Variants in SEMA6D observed in about 807,000 individuals in gnomAD.
The protein encoded by SEMA6D is semaphorin-6D.
In SEMA6D, 35 loss-of-function variants were observed where a neutral mutation model predicts 106.6. That is an observed-to-expected ratio of 0.33 (90% CI 0.25 to 0.44). SEMA6D has a LOEUF of 0.44. Ranked by LOEUF, SEMA6D falls within the 20% of genes least tolerant of loss-of-function variation. The pLI is 1.00. For synonymous variants in SEMA6D, 499 were observed against 487.7 expected (o/e 1.02, Z -0.31); for missense variants, 1,185 against 1,345.9 (o/e 0.88, Z 1.87).
intron 1 of SEMA6D, among the ~76,000 whole-genome samples, chr15:47,217,046 C>A (rs185008489): frequency 6.6e-6 from 1 of 152,146 alleles, no homozygotes; most frequent in East Asian, 1.9e-4. Context: ...AATAAGGCAC[C>A]CTCTACAGTC....
intron 1 of SEMA6D, among the ~76,000 whole-genome samples, chr15:47,206,852 C>T (rs1595739773): frequency 6.6e-6 from 1 of 152,108 alleles, no homozygotes; most frequent in East Asian, 1.9e-4. Context: ...CAGCAAGCTG[C>T]TCCCACTGGG....
At chr15:47,659,881 A>G (rs2059202039) in intron 4 of SEMA6D, among the ~76,000 whole-genome samples, 1 of 152,138 alleles carries the variant, frequency 6.6e-6, no homozygotes, top group African/African-American at 2.4e-5. Flanking sequence ...ACATATTGGT[A>G]AGAGTATTTG....
intron 3 of SEMA6D, among the ~76,000 whole-genome samples, chr15:47,487,803 T>C (rs1466500434): frequency 1.3e-5 from 2 of 152,240 alleles, no homozygotes; most frequent in Non-Finnish European, 2.9e-5. Context: ...CCTGGTGTTG[T>C]TATCTACATG....
intron 3 of SEMA6D, among the ~76,000 whole-genome samples, chr15:47,512,071 T>G (rs181578044): frequency 6.6e-6 from 1 of 152,218 alleles, no homozygotes. Context: ...TATTGAACTT[T>G]TAGTCAACAT....
intron 1 of SEMA6D, among the ~76,000 whole-genome samples, chr15:47,315,054 G>A (rs1250381879): frequency 2.0e-5 from 3 of 151,276 alleles, no homozygotes; most frequent in African/African-American, 7.3e-5. Context: ...TTTTAGTAGA[G>A]ACGGGGTTTC....
rs1431283654 is a variant in SEMA6D, at chr15:47,620,825, T to C, written c.-55+19929T>C. 2.0e-5 allele frequency among the ~76,000 whole-genome samples: 3 copies of C among 152,098 alleles called. No individual in the cohort carries two copies. In the East Asian group the frequency reaches 5.8e-4, roughly 29 times the overall value. On this transcript the variant is annotated intron_variant, in intron 4 of 19. Transcript: ENST00000558014. ...ATGTCTTAGCTACTCATCTCTCCAA[T>C]GTGGCAGAGGGAAGCTGAGGCAGGT... is the stretch of plus-strand genomic sequence containing the variant.
At chr15:47,740,199 G>C (rs933505485) in intron 1 of SEMA6D, among the ~76,000 whole-genome samples, 1 of 152,138 alleles carries the variant, frequency 6.6e-6, no homozygotes, top group Admixed American at 6.5e-5. Context: ...TTGGGTTATA[G>C]TATTTTTGTT....
At chr15:47,688,624 C>T (rs1169945153) in intron 4 of SEMA6D, among the ~76,000 whole-genome samples, 4 of 152,068 alleles carry the variant, frequency 2.6e-5, no homozygotes, top group Non-Finnish European at 4.4e-5. Context: ...GACTCTGATT[C>T]GCATTGACTA....
chr15:47,409,039 T>G (rs1292556541), intron 1 of SEMA6D, among the ~76,000 whole-genome samples: 1 of 152,222 alleles, frequency 6.6e-6, no homozygotes, highest in African/African-American at 2.4e-5. Context: ...CAAGTATTAT[T>G]GTCTGAGTGT....
intron 1 of SEMA6D, among the ~76,000 whole-genome samples, chr15:47,331,714 T>G (rs537176159): frequency 2.1e-4 from 32 of 152,326 alleles, no homozygotes; most frequent in Admixed American, 5.9e-4. Context: ...TGTCAAAAAT[T>G]TCTTTAATGC....
At chr15:47,276,880 C>G (rs544480459) in intron 1 of SEMA6D, among the ~76,000 whole-genome samples, 1 of 152,272 alleles carries the variant, frequency 6.6e-6, no homozygotes, top group East Asian at 1.9e-4. Context: ...GGTAAGGATT[C>G]ACCATTATAA....
At chr15:47,203,273 T>C (rs758045830) in intron 1 of SEMA6D, among the ~76,000 whole-genome samples, 5 of 152,116 alleles carry the variant, frequency 3.3e-5, no homozygotes, top group Non-Finnish European at 5.9e-5. Flanking sequence ...GGAGGGACTC[T>C]TTCTGGAATT....
At chr15:47,761,831 T>A in intron 7 of SEMA6D, 80 bp downstream of exon 7, 1 of 1,221,164 alleles carries the variant, frequency 8.2e-7, no homozygotes, top group South Asian at 1.4e-5. Flanking sequence ...GAGTAAAAGT[T>A]AATAACTTGG....
intron 1 of SEMA6D, among the ~76,000 whole-genome samples, chr15:47,235,788 A>G (rs1299559502): frequency 2.0e-5 from 3 of 151,918 alleles, no homozygotes; most frequent in Non-Finnish European, 4.4e-5. Flanking sequence ...CTTAGGATTT[A>G]TGCTTGTAAA....
intron 4 of SEMA6D, among the ~76,000 whole-genome samples, chr15:47,681,841 T>C (rs544867813): frequency 1.3e-5 from 2 of 152,302 alleles, no homozygotes; most frequent in East Asian, 3.9e-4. Flanking sequence ...TATAACTGCT[T>C]CTCCATCTGA....
At chr15:47,327,902 A>G (rs188372482) in intron 1 of SEMA6D, among the ~76,000 whole-genome samples, 28 of 152,306 alleles carry the variant, frequency 1.8e-4, no homozygotes, top group Non-Finnish European at 2.1e-4. Flanking sequence ...AGGTACTATT[A>G]ATAGTTTTTT....
intron 1 of SEMA6D, among the ~76,000 whole-genome samples, chr15:47,298,262 G>A (rs553593606): frequency 6.6e-6 from 1 of 152,208 alleles, no homozygotes; most frequent in East Asian, 1.9e-4. Flanking sequence ...GGAGCTCCCA[G>A]GTGTGGTTGT....
At chr15:47,698,342 C>T (rs1189140949) in intron 4 of SEMA6D, among the ~76,000 whole-genome samples, 2 of 152,096 alleles carry the variant, frequency 1.3e-5, no homozygotes, top group Non-Finnish European at 2.9e-5. Context: ...ATTTAACAGA[C>T]AAAATGATCA....
intron 1 of SEMA6D, among the ~76,000 whole-genome samples, chr15:47,297,017 A>G (rs1476279818): frequency 6.6e-6 from 1 of 152,132 alleles, no homozygotes; most frequent in Non-Finnish European, 1.5e-5. Flanking sequence ...CATTTTGAGA[A>G]TTTCTTTCCA....
Sources: gnomAD v4.1 joint callset for allele counts (sites outside exome capture counted in the v4.1 genomes callset) on GRCh38, gnomAD v4.1.1 for gene constraint, MANE v1.5 for transcripts, NCBI Gene and HGNC (gene_info 2026-07-23, HGNC 2026-07-21) for gene names.